The following DNAH1 variants were observed in gnomAD, a reference collection of about 807,000 sequenced individuals.
DNAH1 encodes the protein axonemal beta dynein heavy chain 1.
In DNAH1, 327 loss-of-function variants were observed where a neutral mutation model predicts 484.3. The observed-to-expected ratio is 0.68, with a 90% CI of 0.62 to 0.74. The LOEUF (loss-of-function observed/expected upper bound fraction) is 0.74, where lower values mean the gene tolerates loss of function less well. DNAH1 is among the 30% of genes least tolerant of loss of function. DNAH1 has a pLI of 0.00. For synonymous variants in DNAH1, 2,192 were observed against 2,191.9 expected (o/e 1.00, Z 0.00); for missense variants, 5,052 against 5,546.8 (o/e 0.91, Z 2.83).
At chr3:52,325,347 A>G (rs920661397) in intron 3 of DNAH1, among the ~76,000 whole-genome samples, 3 of 151,986 alleles carry the variant, frequency 2.0e-5, no homozygotes, top group Non-Finnish European at 2.9e-5. Context: ...GGGACTCTGG[A>G]CCCTTCTTCC....
intron 61 of DNAH1, 60 bp from the exon 62 acceptor site, chr3:52,391,119 C>A (rs1024284948): frequency 6.2e-7 from 1 of 1,608,346 alleles, no homozygotes; most frequent in East Asian, 2.2e-5. Context: ...AGTGGTGAGC[C>A]GCAGAGCCTC....
chr3:52,377,273 C>T lies in DNAH1; in HGVS notation c.7198+1280C>T, dbSNP rs559809964. Among the ~76,000 whole-genome samples, 59 of 152,170 alleles carry T rather than the reference C, an allele frequency of 3.9e-4. 1 individual carries two copies. The East Asian group carries it at 5.8e-3, about 15-fold the overall frequency. On this transcript the variant is annotated intron_variant, in intron 46 of 77. Coordinates refer to ENST00000420323, the MANE Select transcript of DNAH1 (RefSeq NM_015512.5). ...ATCCTTCCAGGTGCTCCCAGCAAGACGGGGTCTTGGCGCCATCCTCCATCC... is the reference window on the plus strand; with the variant it reads ...ATCCTTCCAGGTGCTCCCAGCAAGATGGGGTCTTGGCGCCATCCTCCATCC...
intron 22 of DNAH1, among the ~76,000 whole-genome samples, chr3:52,357,001 A>G (rs571948341): frequency 7.5e-6 from 1 of 132,524 alleles, no homozygotes; most frequent in South Asian, 2.4e-4. Context: ...CACAGCCCAT[A>G]TTAACGTTTT....
At chr3:52,383,801 G>A in intron 51 of DNAH1, 59 bp from the exon 52 acceptor site, 6 of 1,517,940 alleles carry the variant, frequency 4.0e-6, no homozygotes, top group Middle Eastern at 1.8e-4. Context: ...CCTGGGTCCT[G>A]GGCTCCTGGG....
chr3:52,388,372 T>TC, intron 57 of DNAH1, 38 bp downstream of exon 57: 1 of 1,600,042 alleles, frequency 6.2e-7, no homozygotes, highest in Non-Finnish European at 8.5e-7. Context: ...AGGGCTCCCC[T>TC]CCCGGGGGTA....
intron 28 of DNAH1, among the ~76,000 whole-genome samples, 188 bp downstream of exon 28, chr3:52,360,612 G>A (rs1702814924): frequency 2.0e-5 from 3 of 152,170 alleles, no homozygotes; most frequent in Admixed American, 6.5e-5. Context: ...TCGGGCAGGT[G>A]ACTTGACCCC....
In DNAH1 at chr3:52,353,223, G is replaced by T; in HGVS notation, c.3148G>T (p.Ala1050Ser). ...GAATGACCCCCTCTCTGCCATCGAT[G>T]CTGAGCAGCTGGAGAAGAACGTGGT... ...WMNDPLSAID[A>S]EQLEKNVVEA... The change falls in exon 19 of 78, where the codon GCT (alanine) becomes TCT (serine). Residue 1050 changes from alanine (A) to serine (S), a missense_variant. Ala to Ser is a moderately conservative substitution (Grantham distance 99, BLOSUM62 1). This residue lies in a region of DNAH1 where 2,929 missense variants were observed against 3,409.4 expected (regional missense o/e 0.86). Transcript: ENST00000420323. The surrounding 1 kb of genome is among the most constrained non-coding windows in gnomAD (Gnocchi z 5.0). 6.2e-7 allele frequency: 1 copy of T among 1,613,996 alleles called. No homozygotes were observed. The highest frequency in any genetic ancestry group is 2.2e-5 in the East Asian group (1 of 44,882).
At chr3:52,315,286 G>C (rs1700912365), upstream of DNAH1, among the ~76,000 whole-genome samples, 1 of 152,336 alleles carries the variant, frequency 6.6e-6, no homozygotes, top group Non-Finnish European at 1.5e-5. Flanking sequence ...TGGGGAGCGG[G>C]TAGCTCAGCC....
At position 52,359,307 on chromosome 3, in the gene DNAH1, C is replaced by A. The variant is rs1278705855; in HGVS notation, c.4328C>A (p.Thr1443Asn). The change falls in exon 26 of 78, where the codon ACC (threonine) becomes AAC (asparagine). Residue 1443 changes from threonine (T) to asparagine (N), a missense_variant. Physicochemically the swap from Thr to Asn is moderately conservative, Grantham distance 65. Coordinates refer to ENST00000420323, the MANE Select transcript of DNAH1 (RefSeq NM_015512.5). ...CAGGTGACCATCGCTGGGTGCCAGA[C>A]CTACTGGACCATGGAGGTGGCAGAG... ...PGQVTIAGCQ[T>N]YWTMEVAEAL... 1 of 1,569,362 alleles carries A rather than the reference C, an allele frequency of 6.4e-7. No homozygotes were observed. Among genetic ancestry groups the A allele is most frequent in the Non-Finnish European group, 8.6e-7 (1 of 1,156,544 alleles).
intron 66 of DNAH1, 27 bp from the exon 67 acceptor site, chr3:52,394,438 C>T (rs1183656477): frequency 6.2e-7 from 1 of 1,611,206 alleles, no homozygotes; most frequent in South Asian, 1.1e-5. Context: ...AGGGCCTGGG[C>T]ATCAGCCTCC....
At chr3:52,375,488 T>C in intron 45 of DNAH1, 75 bp downstream of exon 45, 2 of 1,528,742 alleles carry the variant, frequency 1.3e-6, no homozygotes, top group Non-Finnish European at 1.8e-6. Flanking sequence ...GACAACTGGG[T>C]GGCCACCAGA....
chr3:52,331,619 CTTTT>C (rs36097098), intron 7 of DNAH1, among the ~76,000 whole-genome samples: 1 of 111,374 alleles, frequency 9.0e-6, no homozygotes. Context: ...AAATACTTTT[CTTTT>C]TTTTTTTTTT....
chr3:52,352,002 A>G lies in DNAH1; in HGVS notation c.2770A>G (p.Ile924Val), dbSNP rs1475429263. 6.2e-7 allele frequency: 1 copy of G among 1,601,522 alleles called. No individual in the cohort carries two copies. Among genetic ancestry groups the G allele is most frequent in the African/African-American group, 1.3e-5 (1 of 74,772 alleles). Residue 924 changes from isoleucine to valine, a missense_variant, in exon 17 of 78, where the codon ATA becomes GTA. This residue lies in a region of DNAH1 where 1,263 missense variants were observed against 1,218.8 expected (regional missense o/e 1.04). Transcript: ENST00000420323. ...CTGGCCTTCTAAGATCCTTGGGCAG[A>G]TAGAGCTGGTGCAGCAGCAGCATGT... ...SNWPSKILGQ[I>V]ELVQQQHVED... is the part of the protein sequence containing the mutation.
rs768845680 is a variant in DNAH1 at position 52,372,280 on chromosome 3, GCTC to G, written c.6724_6726del (p.Leu2242del). 6.2e-7 allele frequency: 1 copy of G among 1,613,952 alleles called. No individual in the cohort carries two copies. Among genetic ancestry groups the G allele is most frequent in the Non-Finnish European group, 8.5e-7 (1 of 1,179,870 alleles). On this transcript the variant is annotated inframe_deletion, in exon 43 of 78. Coordinates refer to ENST00000420323, the MANE Select transcript of DNAH1 (RefSeq NM_015512.5). ...GGAAGACGCTCACCATCTCTGACAAGCTCCTCAAGAACCTGGCACTGGATTACA... is the reference window on the plus strand; with the variant it reads ...GGAAGACGCTCACCATCTCTGACAAGCTCAAGAACCTGGCACTGGATTACA...
chr3:52,400,245 C>A (rs1179820014), intron 77 of DNAH1, 80 bp from the exon 78 acceptor site: 3 of 1,573,694 alleles, frequency 1.9e-6, no homozygotes, highest in South Asian at 1.2e-5. Flanking sequence ...GCTTAGTCTG[C>A]CCACTGCCCT....
chr3:52,325,160 A>G (rs1383751901), intron 3 of DNAH1, among the ~76,000 whole-genome samples: 2 of 152,132 alleles, frequency 1.3e-5, no homozygotes, highest in Non-Finnish European at 2.9e-5. Flanking sequence ...GCCTGGTGAG[A>G]GCAGACTCCA....
At chr3:52,385,071 T>G in intron 53 of DNAH1, 94 bp downstream of exon 53, 1 of 1,408,406 alleles carries the variant, frequency 7.1e-7, no homozygotes, top group Non-Finnish European at 9.5e-7. Flanking sequence ...TGCTCCGCCT[T>G]TCAAACTGCA....
chr3:52,343,039 G>A (rs1200998251), intron 8 of DNAH1, among the ~76,000 whole-genome samples: 1 of 152,156 alleles, frequency 6.6e-6, no homozygotes, highest in Non-Finnish European at 1.5e-5. Flanking sequence ...AAGATCCAGG[G>A]GAAGGGTGTC....
chr3:52,386,600 G>T, intron 55 of DNAH1, 62 bp from the exon 56 acceptor site: 1 of 1,468,956 alleles, frequency 6.8e-7, no homozygotes, highest in Non-Finnish European at 9.1e-7. Flanking sequence ...TTTCTGGCAG[G>T]GTCCCTGCCG....
Sources: gnomAD v4.1 joint callset for allele counts (sites outside exome capture counted in the v4.1 genomes callset) on GRCh38, gnomAD v4.1.1 for gene constraint, gnomAD v4.1.1 regional missense constraint, Gnocchi (gnomAD v3.1) non-coding constraint, MANE v1.5 for transcripts, NCBI Gene and HGNC (gene_info 2026-07-23, HGNC 2026-07-21) for gene names.